The following SMPD3 variants were observed in gnomAD, a reference collection of about 807,000 sequenced individuals.
SMPD3 encodes the protein sphingomyelin phosphodiesterase 3.
A neutral mutation model predicts 55.7 loss-of-function variants in SMPD3; 21 were observed. That is an observed-to-expected ratio of 0.38 (90% confidence interval 0.27 to 0.54). SMPD3 has a LOEUF of 0.54. Ranked by LOEUF, SMPD3 falls within the 20% of genes least tolerant of loss-of-function variation. SMPD3 has a pLI of 0.80. For missense variants in SMPD3, 842 were observed against 899.6 expected, an observed-to-expected ratio of 0.94 and a Z score of 0.82; for synonymous variants, 457 against 404.3, an observed-to-expected ratio of 1.13 and a Z score of -1.56.
chr16:68,385,133 C>T (rs2152000046), intron 2 of SMPD3, among the ~76,000 whole-genome samples: 1 of 152,292 alleles, frequency 6.6e-6, no homozygotes, highest in South Asian at 2.1e-4. Context: ...TTATACTGCA[C>T]AACTACCCCA....
intron 1 of SMPD3, among the ~76,000 whole-genome samples, chr16:68,397,680 G>A (rs2090170220): frequency 6.6e-6 from 1 of 152,066 alleles, no homozygotes; most frequent in African/African-American, 2.4e-5. Flanking sequence ...TTCCTTCTTG[G>A]TCCCGTTCTC....
intron 3 of SMPD3, chr16:68,370,315 G>A (rs536060966): frequency 6.5e-6 from 1 of 154,670 alleles, no homozygotes; most frequent in Admixed American, 6.3e-5. Context: ...AGGGAGGGGT[G>A]TCCAGGCCAG....
intron 2 of SMPD3, among the ~76,000 whole-genome samples, chr16:68,378,627 A>G (rs2089878853): frequency 1.3e-5 from 2 of 149,164 alleles, no homozygotes; most frequent in Non-Finnish European, 3.0e-5. Flanking sequence ...CACGTCCTGG[A>G]TGGAGCTCCA....
chr16:68,399,051 C>T (rs906475656), intron 1 of SMPD3, among the ~76,000 whole-genome samples: 1 of 152,196 alleles, frequency 6.6e-6, no homozygotes, highest in Non-Finnish European at 1.5e-5. Context: ...AAACACTGAG[C>T]CTGTAGTTGT....
At chr16:68,431,897 G>A (rs1382358349) in intron 1 of SMPD3, among the ~76,000 whole-genome samples, 1 of 152,102 alleles carries the variant, frequency 6.6e-6, no homozygotes, top group East Asian at 1.9e-4. Context: ...ACTCCAGCCT[G>A]GGCAACAGAG....
intron 1 of SMPD3, among the ~76,000 whole-genome samples, chr16:68,437,355 A>T (rs2090530966): frequency 6.6e-6 from 1 of 152,344 alleles, no homozygotes; most frequent in Admixed American, 6.5e-5. Context: ...AGAAGTCACC[A>T]TTCAACCCTG....
chr16:68,386,089 G>T (rs889083566), intron 2 of SMPD3, among the ~76,000 whole-genome samples: 1 of 152,126 alleles, frequency 6.6e-6, no homozygotes, highest in Non-Finnish European at 1.5e-5. Flanking sequence ...AGGCGTGGTG[G>T]TGTGTACTTG....
chr16:68,429,462 G>C (rs1044823227), intron 1 of SMPD3, among the ~76,000 whole-genome samples: 4 of 152,204 alleles, frequency 2.6e-5, no homozygotes, highest in Non-Finnish European at 5.9e-5. Flanking sequence ...GGTAGGTTTG[G>C]GGGCACAGCG....
chr16:68,432,991 A>G (rs1377579631), intron 1 of SMPD3, among the ~76,000 whole-genome samples: 1 of 151,882 alleles, frequency 6.6e-6, no homozygotes, highest in Admixed American at 6.6e-5. Context: ...TCTGGTGGAG[A>G]TGAGGTCTCA....
intron 7 of SMPD3, among the ~76,000 whole-genome samples, chr16:68,363,063 CTG>C (rs1299055606): frequency 6.6e-6 from 1 of 152,150 alleles, no homozygotes; most frequent in Non-Finnish European, 1.5e-5. Context: ...AAATGGTCGG[CTG>C]TGTTATTGCA....
chr16:68,395,344 C>T (rs1035427080), intron 1 of SMPD3, among the ~76,000 whole-genome samples: 1 of 152,230 alleles, frequency 6.6e-6, no homozygotes, highest in Non-Finnish European at 1.5e-5. Context: ...CCTCATTTCA[C>T]ACTTCTTGGG....
chr16:68,363,464 C>A (rs2151972716), intron 7 of SMPD3, 32 bp downstream of exon 7: 1 of 1,613,114 alleles, frequency 6.2e-7, no homozygotes, highest in Admixed American at 1.7e-5. Context: ...TCAGGGTGTG[C>A]CTCGTCCCTG....
intron 1 of SMPD3, among the ~76,000 whole-genome samples, chr16:68,399,456 T>C (rs2090188352): frequency 6.6e-6 from 1 of 152,180 alleles, no homozygotes; most frequent in South Asian, 2.1e-4. Flanking sequence ...AGAGAACAAC[T>C]CTGCTGTCCC....
At chr16:68,379,075 A>G (rs1670627641) in intron 2 of SMPD3, among the ~76,000 whole-genome samples, 1 of 152,216 alleles carries the variant, frequency 6.6e-6, no homozygotes, top group South Asian at 2.1e-4. Context: ...CCTGTCTCAG[A>G]TACAGCTATG....
At chr16:68,412,011 A>G (rs2090305535) in intron 1 of SMPD3, among the ~76,000 whole-genome samples, 1 of 152,092 alleles carries the variant, frequency 6.6e-6, no homozygotes, top group Admixed American at 6.5e-5. Context: ...TGGAACAGAA[A>G]TGAGGGCATG....
chr16:68,372,644 T>A (rs1257254398), intron 2 of SMPD3, among the ~76,000 whole-genome samples: 1 of 152,246 alleles, frequency 6.6e-6, no homozygotes, highest in Non-Finnish European at 1.5e-5. Flanking sequence ...CTTGACCTTG[T>A]AACCCAATTG....
chr16:68,438,879 G>A (rs776235702), intron 1 of SMPD3, among the ~76,000 whole-genome samples: 8 of 152,330 alleles, frequency 5.3e-5, no homozygotes, highest in Middle Eastern at 6.8e-3. Context: ...AGGCTCTGCA[G>A]TCAGATTGCC....
chr16:68,377,934 T>A (rs774871439), intron 2 of SMPD3, among the ~76,000 whole-genome samples: 6 of 152,188 alleles, frequency 3.9e-5, no homozygotes, highest in Non-Finnish European at 7.4e-5. Flanking sequence ...TTTCTAGGGA[T>A]CTCTGAGCCC....
chr16:68,416,743 T>C lies in SMPD3; in HGVS notation c.-268-30084A>G, dbSNP rs112115736. Among the ~76,000 whole-genome samples the C allele has an allele frequency of 2.4e-3, 365 of 152,282 alleles. 1 individual carries two copies. Among genetic ancestry groups the C allele is most frequent in the African/African-American group, 8.1e-3 (338 of 41,566 alleles). ...TCCAGGCTGAAGTTGTTGTCACCCATGCAGCCACTGGGGCTTCAAGCCCTA... is the reference window on the plus strand; with the variant it reads ...TCCAGGCTGAAGTTGTTGTCACCCACGCAGCCACTGGGGCTTCAAGCCCTA... On this transcript the variant is annotated intron_variant, in intron 1 of 8. Transcript: ENST00000219334.
Sources: allele counts gnomAD v4.1 joint callset (sites outside exome capture counted in the v4.1 genomes callset), GRCh38; gene constraint gnomAD v4.1.1; transcripts MANE v1.5; gene names NCBI Gene and HGNC (gene_info 2026-07-23, HGNC 2026-07-21).